PEX1: variants seen among roughly 807,000 people sequenced by gnomAD.
PEX1 encodes the protein peroxisomal biogenesis factor 1, also known as peroxisomal ATPase PEX1.
A neutral mutation model predicts 152.5 loss-of-function variants in PEX1; 97 were observed. The ratio of observed to expected loss-of-function variants is 0.64; its 90% confidence interval spans 0.54 to 0.75. PEX1 has a LOEUF of 0.75. Ranked by LOEUF, PEX1 falls within the 30% of genes least tolerant of loss-of-function variation. The probability of loss-of-function intolerance (pLI) is 0.00; values close to 1 mark genes in which losing one functional copy is unlikely to be tolerated. For missense variants in PEX1, 1,357 were observed against 1,516.3 expected (o/e 0.89, Z 1.74); for synonymous variants, 485 against 531.6 (o/e 0.91, Z 1.21).
At chr7:92,490,842 A>G (rs1791266163) in intron 21 of PEX1, among the ~76,000 whole-genome samples, 1 of 152,196 alleles carries the variant, frequency 6.6e-6, no homozygotes, top group Non-Finnish European at 1.5e-5. Context: ...AAACATTATC[A>G]GTACACTTCA....
chr7:92,509,269 C>T, intron 9 of PEX1, 60 bp downstream of exon 9: 1 of 1,088,534 alleles, frequency 9.2e-7, no homozygotes, highest in Non-Finnish European at 1.4e-6. Context: ...ACATTGAAAA[C>T]TCTGCCAGAT....
chr7:92,507,866 C>T lies in PEX1; in HGVS notation c.1671-740G>A, dbSNP rs571578581. The T allele has an allele frequency of 9.2e-5, 14 of 152,282 alleles. 1 individual carries two copies. The highest frequency in any genetic ancestry group is 2.9e-4 in the African/African-American group (12 of 41,534). The allele number at this position is 152,282 out of a possible 1,614,324, so 9.4% of individuals were successfully genotyped here. A position where few individuals can be genotyped will look rare whatever the true frequency, so the allele number is the denominator to read the frequency against. Reference sequence around the variant, plus strand: ...CCATGTTGCTCAGGCTCGTCTCAAACTCCTGACCTCAAGTGATCCACCCGC... The same window carrying T: ...CCATGTTGCTCAGGCTCGTCTCAAATTCCTGACCTCAAGTGATCCACCCGC... On this transcript the variant is annotated intron_variant, in intron 9 of 23. Transcript: ENST00000248633.
Position 92,522,184 on chromosome 7 carries a change from C to G in PEX1, c.191G>C (p.Arg64Thr). The G allele has an allele frequency of 6.2e-7, 1 of 1,614,114 alleles. No individual in the cohort carries two copies. Among genetic ancestry groups the G allele is most frequent in the Non-Finnish European group, 8.5e-7 (1 of 1,179,988 alleles). ...QPAFLSWVEG[R>T]HFSDQGENVA... ...ATTTTCACCTTGATCACTAAAATGCCTGCCTTCCACCCAGCTCAAGAATGC... is the reference window on the plus strand; with the variant it reads ...ATTTTCACCTTGATCACTAAAATGCGTGCCTTCCACCCAGCTCAAGAATGC... The change falls in exon 2 of 24, where the codon AGG (arginine) becomes ACG (threonine). Residue 64 changes from arginine (R) to threonine (T), a missense_variant. Coordinates refer to ENST00000248633, the MANE Select transcript of PEX1 (RefSeq NM_000466.3).
At chr7:92,519,110 A>T (rs752178561) in intron 2 of PEX1, 32 bp from the exon 3 acceptor site, 1 of 1,270,770 alleles carries the variant, frequency 7.9e-7, no homozygotes, top group South Asian at 1.2e-5. Context: ...AAACTACTTT[A>T]AAAAAACTTT....
In PEX1 at chr7:92,513,874, G is replaced by A. The variant is rs1358993243; in HGVS notation, c.1333C>T (p.Leu445=). The A allele has an allele frequency of 2.5e-6, 4 of 1,601,606 alleles. No homozygotes were observed. The highest frequency in any genetic ancestry group is 3.4e-6 in the Non-Finnish European group (4 of 1,169,162). ...VEVTPKIPRS[L]KLQPRENLPK... ...AAATTCTCTCTAGGTTGTAACTTTA[G>A]AGATCTTGGAATTTTAGGGGTAACT... is the stretch of plus-strand genomic sequence containing the variant. The change falls in exon 6 of 24, where the codon CTA becomes TTA. Residue 445 remains leucine (L), a synonymous_variant. Coordinates refer to ENST00000248633, the MANE Select transcript of PEX1 (RefSeq NM_000466.3).
chr7:92,511,093 G>T (rs760189125), intron 7 of PEX1, 46 bp from the exon 8 acceptor site: 1 of 876,164 alleles, frequency 1.1e-6, no homozygotes, highest in East Asian at 2.5e-5. Flanking sequence ...CTGAAACAGA[G>T]ATGAAATAAT....
chr7:92,523,958 G>C lies in PEX1; in HGVS notation c.130-1713C>G, dbSNP rs572803150. On this transcript the variant is annotated intron_variant, in intron 1 of 23. Coordinates refer to ENST00000248633, the MANE Select transcript of PEX1 (RefSeq NM_000466.3). The stretch of plus-strand genomic sequence containing the variant: ...TCACATGTGTAATCTTTATACTTTG[G>C]GAGACTGAGACAGGAGGATTGTTTG... 9.2e-5 allele frequency among the ~76,000 whole-genome samples: 14 copies of C among 152,174 alleles called. No homozygotes were observed. The East Asian group carries it at 1.2e-3, about 13-fold the overall frequency.
At chr7:92,495,488 A>G (rs1049967715) in intron 17 of PEX1, among the ~76,000 whole-genome samples, 2 of 152,144 alleles carry the variant, frequency 1.3e-5, no homozygotes, top group Admixed American at 6.5e-5. Context: ...TTCTAACTCA[A>G]TTTTTACTAA....
chr7:92,489,121 G>A (rs1268024982), intron 23 of PEX1, among the ~76,000 whole-genome samples, 172 bp downstream of exon 23: 3 of 152,168 alleles, frequency 2.0e-5, no homozygotes, highest in Non-Finnish European at 4.4e-5. Context: ...TTTGACTTCT[G>A]TACTTCTGAC....
Position 92,519,067 on chromosome 7 carries a change from C to T in PEX1, c.285G>A (p.Lys95=). The T allele has an allele frequency of 6.3e-7, 1 of 1,594,910 alleles. No homozygotes were observed. Among genetic ancestry groups the T allele is most frequent in the African/African-American group, 1.3e-5 (1 of 74,652 alleles). Residue 95 remains lysine (K), a synonymous_variant, in exon 3 of 24, where the codon AAG becomes AAA. Transcript: ENST00000248633. ...GACAAGATACCACATGGGAACATGGCTTGAGAAATACCTAGAAAAAATTAA... is the reference window on the plus strand; with the variant it reads ...GACAAGATACCACATGGGAACATGGTTTGAGAAATACCTAGAAAAAATTAA... ...GLSNGGQVFL[K]PCSHVVSCQQ... is the part of the protein sequence containing the mutation.
chr7:92,489,966 CTA>C lies in PEX1; in HGVS notation c.3439-57_3439-56del, dbSNP rs2116045969. 3.8e-6 allele frequency: 5 copies of C among 1,313,646 alleles called. No individual in the cohort carries two copies. In the South Asian group the frequency reaches 4.8e-5, roughly 13 times the overall value. The allele number at this position is 1,313,646 out of a possible 1,614,324, so 81.4% of individuals were successfully genotyped here. On this transcript the variant is annotated intron_variant, in intron 21 of 23. Coordinates refer to ENST00000248633, the MANE Select transcript of PEX1 (RefSeq NM_000466.3). Reference sequence around the variant, plus strand: ...GGAAGGAAGAGGGGGAGAGAAAAAACTATGTGTTTACCAAATATAAAAATTAA... The same window carrying C: ...GGAAGGAAGAGGGGGAGAGAAAAAACTGTGTTTACCAAATATAAAAATTAA...
chr7:92,504,002 G>A (rs1381577054), intron 12 of PEX1, among the ~76,000 whole-genome samples: 1 of 151,996 alleles, frequency 6.6e-6, no homozygotes, highest in Non-Finnish European at 1.5e-5. Context: ...GTACCTCTGT[G>A]CTTTTGCCTG....
rs764904432 is a variant in PEX1, at chr7:92,528,422, T to A, written c.14A>T (p.Asp5Val). ...GCCTCCCCCAGCACCCGCCAGGCGA[T>A]CGCTGCCCCACATCGTCCCGGAGCG... MWGS[D>V]RLAGAGGGGA... The change falls in exon 1 of 24, where the codon GAT (aspartate) becomes GTT (valine). Residue 5 changes from aspartate (D) to valine (V), a missense_variant. Coordinates refer to ENST00000248633, the MANE Select transcript of PEX1 (RefSeq NM_000466.3). 1 of 1,594,990 alleles carries A rather than the reference T, an allele frequency of 6.3e-7. No individual in the cohort carries two copies. The highest frequency in any genetic ancestry group is 1.7e-5 in the Admixed American group (1 of 58,018).
At chr7:92,489,496 C>G in intron 22 of PEX1, 73 bp from the exon 23 acceptor site, 8 of 1,338,338 alleles carry the variant, frequency 6.0e-6, no homozygotes, top group South Asian at 4.9e-5. Context: ...CCAGTTGTTA[C>G]TTCTTATTGT....
intron 17 of PEX1, among the ~76,000 whole-genome samples, chr7:92,496,292 T>C (rs1285904599): frequency 6.6e-6 from 1 of 152,132 alleles, no homozygotes; most frequent in African/African-American, 2.4e-5. Flanking sequence ...AGTTTTTTAA[T>C]ATATGCAAAA....
rs751278651 is a variant in PEX1, at chr7:92,488,108, A to G, written c.3768-567T>C. Among the ~76,000 whole-genome samples, 127 of 152,350 alleles carry G rather than the reference A, an allele frequency of 8.3e-4. No homozygotes were observed. The Middle Eastern group carries it at 0.017, about 20-fold the overall frequency. On this transcript the variant is annotated intron_variant, in intron 23 of 23. Transcript: ENST00000248633. ...TATTGTGGCATAGCTACACTATAAAATGACATTTAAAAACAATAAAGTAGT... is the reference window on the plus strand; with the variant it reads ...TATTGTGGCATAGCTACACTATAAAGTGACATTTAAAAACAATAAAGTAGT...
At chr7:92,509,882 A>C (rs1016063925) in intron 8 of PEX1, among the ~76,000 whole-genome samples, 1 of 152,134 alleles carries the variant, frequency 6.6e-6, no homozygotes, top group Non-Finnish European at 1.5e-5. Flanking sequence ...GGTGGTTTAC[A>C]CTTAGAATCC....
intron 15 of PEX1, among the ~76,000 whole-genome samples, chr7:92,500,426 A>G (rs1448463002): frequency 1.3e-5 from 2 of 152,074 alleles, no homozygotes; most frequent in African/African-American, 4.8e-5. Context: ...ATTCCCACTC[A>G]CCTCTACCTC....
At position 92,517,805 on chromosome 7, in the gene PEX1, A is replaced by T; in HGVS notation, c.710T>A (p.Val237Asp). 6.4e-7 allele frequency: 1 copy of T among 1,556,078 alleles called. No homozygotes were observed. The highest frequency in any genetic ancestry group is 8.7e-7 in the Non-Finnish European group (1 of 1,155,934). Reference protein sequence around the residue: ...ESNENESEIPVDSSSVASLWT... With the variant: ...ESNENESEIPDDSSSVASLWT... ...TAAACTTGCTACTGATGATGAGTCA[A>T]CTGGAATCTCTGACTCGTTTTCATT... Residue 237 changes from valine (V) to aspartate (D), a missense_variant, in exon 5 of 24, where the codon GTT becomes GAT. Physicochemically the swap from Val to Asp is radical, Grantham distance 152 (BLOSUM62 -3). Coordinates refer to ENST00000248633, the MANE Select transcript of PEX1 (RefSeq NM_000466.3).
Sources: allele counts gnomAD v4.1 joint callset (sites outside exome capture counted in the v4.1 genomes callset), GRCh38; gene constraint gnomAD v4.1.1; transcripts MANE v1.5; gene names NCBI Gene and HGNC (gene_info 2026-07-23, HGNC 2026-07-21).